CADPS: variants seen among roughly 807,000 people sequenced by gnomAD.
CADPS encodes the protein calcium-dependent secretion activator 1.
In CADPS, 57 loss-of-function variants were observed where a neutral mutation model predicts 167.3. That is an observed-to-expected ratio of 0.34 (90% CI 0.28 to 0.42). The LOEUF (loss-of-function observed/expected upper bound fraction) is 0.42, where lower values mean the gene tolerates loss of function less well. Ranked by LOEUF, CADPS falls within the 20% of genes least tolerant of loss-of-function variation. The probability of loss-of-function intolerance (pLI) is 1.00; values close to 1 mark genes in which losing one functional copy is unlikely to be tolerated. For missense variants in CADPS, 1,414 were observed against 1,738.1 expected (o/e 0.81, Z 3.32); for synonymous variants, 676 against 635.3 (o/e 1.06, Z -0.96).
At chr3:62,441,670 G>C (rs2056334967) in intron 27 of CADPS, among the ~76,000 whole-genome samples, 1 of 152,164 alleles carries the variant, frequency 6.6e-6, no homozygotes, top group Admixed American at 6.5e-5. Flanking sequence ...GGAAACACAG[G>C]TGATCTCAGA....
intron 10 of CADPS, among the ~76,000 whole-genome samples, chr3:62,555,868 G>A (rs2152318674): frequency 6.6e-6 from 1 of 152,100 alleles, no homozygotes; most frequent in South Asian, 2.1e-4. Flanking sequence ...AGCCTCCCTA[G>A]TAGCCTCCCT....
Position 62,506,703 on chromosome 3 carries a change from A to T in CADPS, c.2599+6048T>A, listed in dbSNP as rs907707139. On this transcript the variant is annotated intron_variant, in intron 17 of 29. Coordinates refer to ENST00000383710, the MANE Select transcript of CADPS (RefSeq NM_003716.4). ...AGGAAAGTATCCTTCAGGGGAAGCC[A>T]CATGAGCTACACCTGGCCAACCATA... 2.0e-5 allele frequency among the ~76,000 whole-genome samples: 3 copies of T among 152,336 alleles called. No homozygotes were observed. The South Asian group carries it at 6.2e-4, about 32-fold the overall frequency.
At chr3:62,699,038 G>T (rs2080908803) in intron 3 of CADPS, among the ~76,000 whole-genome samples, 1 of 151,888 alleles carries the variant, frequency 6.6e-6, no homozygotes, top group African/African-American at 2.4e-5. Flanking sequence ...CTTTCATGGG[G>T]ATTTCTGAAA....
Position 62,516,603 on chromosome 3 carries a change from C to A in CADPS, c.2434G>T (p.Ala812Ser). ...ACCCTTTCCAAGAGTGAGAGAGTAG[C>A]TTTCAAAGCACCTTCAGGTCGACCA... ...PFGRPEGALK[A>S]TLSLLERVLM... The change falls in exon 15 of 30, where the codon GCT becomes TCT. Residue 812 changes from alanine (A) to serine (S), a missense_variant. Coordinates refer to ENST00000383710, the MANE Select transcript of CADPS (RefSeq NM_003716.4). 1 of 1,605,390 alleles carries A rather than the reference C, an allele frequency of 6.2e-7. No homozygotes were observed. Among genetic ancestry groups the A allele is most frequent in the Non-Finnish European group, 8.5e-7 (1 of 1,174,192 alleles).
chr3:62,767,390 G>A (rs1036605427), intron 1 of CADPS, among the ~76,000 whole-genome samples: 6 of 152,132 alleles, frequency 3.9e-5, no homozygotes, highest in Non-Finnish European at 5.9e-5. Flanking sequence ...TTCTCACTTG[G>A]AAAATGGTGG....
In CADPS at chr3:62,433,574, T is replaced by A. The variant is rs1401258329; in HGVS notation, c.3777+4530A>T. ...TCTCCAGTCAAATGTTCCCTGGGCC[T>A]GGTTCCCAATGACACGGGGCCTGAA... On this transcript the variant is annotated intron_variant, in intron 28 of 29. Coordinates refer to ENST00000383710, the MANE Select transcript of CADPS (RefSeq NM_003716.4). The surrounding 1 kb of genome is among the most constrained non-coding windows in gnomAD (Gnocchi z 4.7). Among the ~76,000 whole-genome samples, 1 of 152,190 alleles carries A rather than the reference T, an allele frequency of 6.6e-6. No individual in the cohort carries two copies. Among genetic ancestry groups the A allele is most frequent in the East Asian group, 1.9e-4 (1 of 5,190 alleles).
At chr3:62,422,168 G>A (rs143129781) in intron 28 of CADPS, among the ~76,000 whole-genome samples, 72 of 152,196 alleles carry the variant, frequency 4.7e-4, no homozygotes, top group Non-Finnish European at 3.5e-4. Context: ...ATTCCCTCAC[G>A]TCCACATCCA....
At chr3:62,477,422 CAG>C (rs1553790119) in intron 23 of CADPS, among the ~76,000 whole-genome samples, 2 of 151,890 alleles carry the variant, frequency 1.3e-5, no homozygotes, top group Non-Finnish European at 2.9e-5. Flanking sequence ...GATGTCCCCT[CAG>C]TGGAATTTTA....
At chr3:62,748,050 G>C (rs975372781) in intron 3 of CADPS, among the ~76,000 whole-genome samples, 54 of 151,730 alleles carry the variant, frequency 3.6e-4, no homozygotes, top group African/African-American at 1.3e-3. Context: ...GCCGGGCGTG[G>C]CGGCTTACAC....
At chr3:62,535,276 A>G (rs530299247) in intron 12 of CADPS, among the ~76,000 whole-genome samples, 25 of 148,612 alleles carry the variant, frequency 1.7e-4, no homozygotes, top group Middle Eastern at 3.6e-3. Flanking sequence ...TTCCTTTCCA[A>G]TTTGGCAAAG....
chr3:62,650,792 C>T (rs910910783), intron 5 of CADPS, 55 bp downstream of exon 5: 65 of 1,303,194 alleles, frequency 5.0e-5, no homozygotes, highest in Non-Finnish European at 6.3e-5. Flanking sequence ...CGCATCTAAT[C>T]GCCCATGTCC....
chr3:62,757,249 G>A lies in CADPS; in HGVS notation c.556-3476C>T, dbSNP rs2084171803. Among the ~76,000 whole-genome samples the A allele has an allele frequency of 3.3e-5, 5 of 152,238 alleles. No individual in the cohort carries two copies. The South Asian group carries it at 1.0e-3, about 32-fold the overall frequency. On this transcript the variant is annotated intron_variant, in intron 2 of 29. Transcript: ENST00000383710. ...CATTAGTATCCCACAAACCCGAAAT[G>A]GGCCTCAGTTATAAGCTCTCAGCCC...
intron 1 of CADPS, among the ~76,000 whole-genome samples, chr3:62,861,075 A>T (rs2080712251): frequency 6.6e-6 from 1 of 152,198 alleles, no homozygotes; most frequent in African/African-American, 2.4e-5. Flanking sequence ...GGCTTGACAT[A>T]AACCTGGGTT....
intron 5 of CADPS, among the ~76,000 whole-genome samples, chr3:62,648,850 A>G (rs1458500047): frequency 6.6e-6 from 1 of 152,132 alleles, no homozygotes; most frequent in Non-Finnish European, 1.5e-5. Flanking sequence ...AAGAAAATAC[A>G]TTCAGTACCT....
intron 26 of CADPS, among the ~76,000 whole-genome samples, chr3:62,457,384 T>C (rs987508433): frequency 2.6e-5 from 4 of 152,170 alleles, no homozygotes; most frequent in Non-Finnish European, 5.9e-5. Context: ...CAAACCAAAA[T>C]ATGCTTGGAG....
rs779974845 is a variant in CADPS, at chr3:62,753,148, C to G, written c.888+293G>C. ...AAATTGATTTTTAGCACTTTTGACA[C>G]GTGGAAAACAAGCCTTACTCATAGG... On this transcript the variant is annotated intron_variant, in intron 3 of 29. Transcript: ENST00000383710. The surrounding 1 kb of genome is among the most constrained non-coding windows in gnomAD (Gnocchi z 4.6). Among the ~76,000 whole-genome samples, 1 of 152,124 alleles carries G rather than the reference C, an allele frequency of 6.6e-6. No homozygotes were observed. The highest frequency in any genetic ancestry group is 1.5e-5 in the Non-Finnish European group (1 of 68,018).
intron 5 of CADPS, among the ~76,000 whole-genome samples, chr3:62,650,233 G>T (rs1185005015): frequency 6.6e-6 from 1 of 152,118 alleles, no homozygotes; most frequent in East Asian, 1.9e-4. Context: ...TGGTACCCAG[G>T]AATCTGCATA....
At chr3:62,855,228 A>C (rs2079451425) in intron 1 of CADPS, among the ~76,000 whole-genome samples, 1 of 151,712 alleles carries the variant, frequency 6.6e-6, no homozygotes, top group Non-Finnish European at 1.5e-5. Context: ...TACAGGCATG[A>C]GGCACTGTGC....
Position 62,854,054 on chromosome 3 carries a change from C to T in CADPS, c.441+20535G>A, listed in dbSNP as rs575758299. ...TGTCATTTCATGCTGAACCTACTGC[C>T]GCTCCATTCCCTACATCTGAGCATT... On this transcript the variant is annotated intron_variant, in intron 1 of 29. Coordinates refer to ENST00000383710, the MANE Select transcript of CADPS (RefSeq NM_003716.4). 5.3e-5 allele frequency among the ~76,000 whole-genome samples: 8 copies of T among 152,160 alleles called. No homozygotes were observed. The East Asian group carries it at 7.7e-4, about 15-fold the overall frequency.
Sources: gnomAD v4.1 joint callset for allele counts (sites outside exome capture counted in the v4.1 genomes callset) on GRCh38, gnomAD v4.1.1 for gene constraint, Gnocchi (gnomAD v3.1) non-coding constraint, MANE v1.5 for transcripts, NCBI Gene and HGNC (gene_info 2026-07-23, HGNC 2026-07-21) for gene names.